Variants in HHAT observed in about 807,000 individuals in gnomAD.
The protein encoded by HHAT is protein-cysteine N-palmitoyltransferase HHAT.
A neutral mutation model predicts 70.8 loss-of-function variants in HHAT; 47 were observed. That is an observed-to-expected ratio of 0.66 (90% CI 0.53 to 0.85). HHAT has a LOEUF of 0.85. Ranked by LOEUF, HHAT falls within the 40% of genes least tolerant of loss-of-function variation. HHAT has a pLI of 0.00. For synonymous variants in HHAT, 228 were observed against 247.6 expected, an observed-to-expected ratio of 0.92 and a Z score of 0.74; for missense variants, 609 against 604.8, an observed-to-expected ratio of 1.01 and a Z score of -0.07.
intron 11 of HHAT, among the ~76,000 whole-genome samples, chr1:210,626,800 A>C (rs914418349): frequency 1.3e-5 from 2 of 152,210 alleles, no homozygotes; most frequent in African/African-American, 4.8e-5. Flanking sequence ...GGGTGTTCAT[A>C]TATGAGCTTT....
chr1:210,479,493 T>C (rs1176747138), intron 8 of HHAT, among the ~76,000 whole-genome samples: 1 of 152,210 alleles, frequency 6.6e-6, no homozygotes, highest in Non-Finnish European at 1.5e-5. Flanking sequence ...GGAGAAGGCC[T>C]TGTTTTTGTC....
chr1:210,473,793 A>G (rs2094252387), intron 8 of HHAT, among the ~76,000 whole-genome samples: 1 of 151,878 alleles, frequency 6.6e-6, no homozygotes, highest in South Asian at 2.1e-4. Flanking sequence ...CCTCCTTGCT[A>G]ATGAAAAAAG....
Position 210,579,991 on chromosome 1 carries a change from T to G in HHAT, c.1044-7907T>G, listed in dbSNP as rs374630760. Reference sequence around the variant, plus strand: ...GCGAAAAGAAAGATTATTTAAATGTTGGCATCTAATTACATTTACCTAGAA... The same window carrying G: ...GCGAAAAGAAAGATTATTTAAATGTGGGCATCTAATTACATTTACCTAGAA... On this transcript the variant is annotated intron_variant, in intron 9 of 11. Transcript: ENST00000261458. Among the ~76,000 whole-genome samples, 5 of 152,360 alleles carry G rather than the reference T, an allele frequency of 3.3e-5. No homozygotes were observed. The East Asian group carries it at 7.7e-4, about 23-fold the overall frequency.
chr1:210,424,016 G>A (rs1443253816), intron 7 of HHAT, among the ~76,000 whole-genome samples: 2 of 152,104 alleles, frequency 1.3e-5, no homozygotes, highest in African/African-American at 4.8e-5. Context: ...TGCTTTGGCT[G>A]GTCAGGATCT....
At chr1:210,466,055 G>T (rs924138575) in intron 8 of HHAT, among the ~76,000 whole-genome samples, 11 of 147,736 alleles carry the variant, frequency 7.4e-5, no homozygotes, top group African/African-American at 2.8e-4. Flanking sequence ...GCAAGGAATT[G>T]CAAGGAATGA....
chr1:210,374,042 T>C (rs1035852072), intron 3 of HHAT: 3 of 152,220 alleles, frequency 2.0e-5, no homozygotes, highest in Non-Finnish European at 4.4e-5. Flanking sequence ...GAGTTAACTG[T>C]CTTTGCAAGT....
chr1:210,508,797 AT>A (rs113542509), intron 8 of HHAT, among the ~76,000 whole-genome samples: 45 of 152,332 alleles, frequency 3.0e-4, no homozygotes, highest in African/African-American at 9.9e-4. Flanking sequence ...TTAGATTCTG[AT>A]TTTAGGATGC....
chr1:210,363,069 G>A, intron 3 of HHAT, 150 bp downstream of exon 3: 1 of 674,614 alleles, frequency 1.5e-6, no homozygotes, highest in Non-Finnish European at 2.6e-6. Context: ...AGTGTGCTGT[G>A]TTGGGGAAGG....
intron 7 of HHAT, among the ~76,000 whole-genome samples, chr1:210,460,695 T>C (rs529344524): frequency 2.3e-4 from 35 of 152,284 alleles, no homozygotes; most frequent in South Asian, 2.1e-3. Flanking sequence ...TGAGACCATA[T>C]TTGAGCTGGG....
rs1383305365 is a variant in HHAT, at chr1:210,549,931, T to C, written c.1043+36743T>C. 1.3e-5 allele frequency among the ~76,000 whole-genome samples: 2 copies of C among 148,948 alleles called. 1 individual carries two copies. Among genetic ancestry groups the C allele is most frequent in the African/African-American group, 5.0e-5 (2 of 40,226 alleles). ...ATTCTGCCTTTCTAAAAAAACAGAG[T>C]TGTCATCTATCCTGGGACACATGTA... On this transcript the variant is annotated intron_variant, in intron 9 of 11. Coordinates refer to ENST00000261458, the MANE Select transcript of HHAT (RefSeq NM_018194.6).
chr1:210,626,027 G>A (rs1454724740), intron 11 of HHAT, among the ~76,000 whole-genome samples: 1 of 152,192 alleles, frequency 6.6e-6, no homozygotes, highest in African/African-American at 2.4e-5. Context: ...ATGCCCAAGA[G>A]GCAGTTGGAA....
intron 9 of HHAT, among the ~76,000 whole-genome samples, chr1:210,528,802 T>C (rs572352309): frequency 7.2e-5 from 11 of 152,240 alleles, no homozygotes; most frequent in African/African-American, 2.6e-4. Context: ...CCATCAGGGA[T>C]CTGGAAATCG....
intron 11 of HHAT, among the ~76,000 whole-genome samples, chr1:210,627,809 C>T (rs973561521): frequency 6.6e-6 from 1 of 152,130 alleles, no homozygotes; most frequent in African/African-American, 2.4e-5. Flanking sequence ...ATATCTAGGG[C>T]TCACAAACTT....
chr1:210,495,676 A>G (rs939214965), intron 8 of HHAT, among the ~76,000 whole-genome samples: 1 of 152,190 alleles, frequency 6.6e-6, no homozygotes, highest in African/African-American at 2.4e-5. Context: ...GACCTATTGT[A>G]GGTCATAATC....
intron 7 of HHAT, among the ~76,000 whole-genome samples, chr1:210,436,683 G>A (rs1405878523): frequency 6.6e-6 from 1 of 151,732 alleles, no homozygotes. Context: ...AAGTCCTGCT[G>A]TTGTCTTCCA....
chr1:210,379,319 G>T (rs2090459402), intron 3 of HHAT, among the ~76,000 whole-genome samples: 1 of 152,320 alleles, frequency 6.6e-6, no homozygotes, highest in Non-Finnish European at 1.5e-5. Context: ...GAGAAGCTCA[G>T]CCATTTTTAG....
At chr1:210,409,770 G>A (rs1450797547) in intron 6 of HHAT, among the ~76,000 whole-genome samples, 1 of 152,192 alleles carries the variant, frequency 6.6e-6, no homozygotes, top group Non-Finnish European at 1.5e-5. Context: ...AAAGAGAAAG[G>A]CATAGCTATT....
At chr1:210,484,356 C>T (rs1345303903) in intron 8 of HHAT, among the ~76,000 whole-genome samples, 2 of 152,116 alleles carry the variant, frequency 1.3e-5, no homozygotes, top group African/African-American at 4.8e-5. Context: ...GGCAGGAATA[C>T]TACATAAGAA....
chr1:210,336,287 ATTTTT>A (rs541795412), intron 1 of HHAT, among the ~76,000 whole-genome samples: 6 of 84,608 alleles, frequency 7.1e-5, no homozygotes, highest in Admixed American at 1.3e-4. Flanking sequence ...TGCCTGGCTA[ATTTTT>A]TTTTTTTTTT....
Sources: allele counts gnomAD v4.1 joint callset (sites outside exome capture counted in the v4.1 genomes callset), GRCh38; gene constraint gnomAD v4.1.1; transcripts MANE v1.5; gene names NCBI Gene and HGNC (gene_info 2026-07-23, HGNC 2026-07-21).